IMMP2L: variants seen among roughly 807,000 people sequenced by gnomAD.
The protein encoded by IMMP2L is mitochondrial inner membrane protease subunit 2.
Under a neutral mutation model 19.3 loss-of-function variants are expected in IMMP2L, and 18 were observed. The observed-to-expected ratio is 0.93, with a 90% CI of 0.64 to 1.38. The LOEUF (loss-of-function observed/expected upper bound fraction) is 1.38. IMMP2L is among the 40% of genes most tolerant of loss of function. The pLI is 0.00. For missense variants in IMMP2L, 233 were observed against 218.2 expected (o/e 1.07, Z -0.43); for synonymous variants, 76 against 73.0 (o/e 1.04, Z -0.21).
chr7:111,252,251 T>A (rs1816225219), intron 3 of IMMP2L, among the ~76,000 whole-genome samples: 1 of 152,092 alleles, frequency 6.6e-6, no homozygotes, highest in Non-Finnish European at 1.5e-5. Flanking sequence ...GTAGGCATCA[T>A]CAACCAACAA....
chr7:111,445,730 C>T (rs556764359), intron 3 of IMMP2L, among the ~76,000 whole-genome samples: 8 of 152,158 alleles, frequency 5.3e-5, no homozygotes, highest in Admixed American at 3.9e-4. Flanking sequence ...GGAACAGCTC[C>T]GGTCTACAGC....
intron 3 of IMMP2L, among the ~76,000 whole-genome samples, chr7:111,046,045 ATAATC>A: frequency 6.6e-6 from 1 of 152,344 alleles, no homozygotes; most frequent in East Asian, 1.9e-4. Context: ...AAATCTTAAC[ATAATC>A]TAAAGAATTT....
rs149791400 is a variant in IMMP2L at position 111,176,408 on chromosome 7, T to C, written c.240-212843A>G. Reference sequence around the variant, plus strand: ...AGAAGAATGAATAAAGAAAATGTGGTACATATACACAATGGAGTACTATTC... The same window carrying C: ...AGAAGAATGAATAAAGAAAATGTGGCACATATACACAATGGAGTACTATTC... On this transcript the variant is annotated intron_variant, in intron 3 of 5. Transcript: ENST00000405709. 1.4e-3 allele frequency among the ~76,000 whole-genome samples: 218 copies of C among 152,104 alleles called. 1 individual carries two copies. Among genetic ancestry groups the C allele is most frequent in the African/African-American group, 5.2e-3 (215 of 41,514 alleles).
intron 3 of IMMP2L, among the ~76,000 whole-genome samples, chr7:111,022,922 C>T (rs144929804): frequency 6.6e-6 from 1 of 152,198 alleles, no homozygotes; most frequent in African/African-American, 2.4e-5. Flanking sequence ...ATGAGAAAGA[C>T]AGCAAATACA....
At chr7:111,545,978 T>C (rs543518815) in intron 1 of IMMP2L, among the ~76,000 whole-genome samples, 29 of 152,240 alleles carry the variant, frequency 1.9e-4, no homozygotes, top group African/African-American at 6.7e-4. Flanking sequence ...TCCTCCAAAA[T>C]AATCTATTCA....
At chr7:110,741,578 T>G (rs968521086) in intron 5 of IMMP2L, among the ~76,000 whole-genome samples, 1 of 152,212 alleles carries the variant, frequency 6.6e-6, no homozygotes, top group East Asian at 1.9e-4. Flanking sequence ...CTGAATCTGT[T>G]GGTGCCATGA....
At chr7:110,861,346 T>C (rs1331601894) in intron 5 of IMMP2L, among the ~76,000 whole-genome samples, 2 of 151,934 alleles carry the variant, frequency 1.3e-5, no homozygotes, top group African/African-American at 2.4e-5. Context: ...TGTTGCAATA[T>C]TGGCTCACTG....
chr7:111,295,013 A>T (rs767793422), intron 3 of IMMP2L, among the ~76,000 whole-genome samples: 10 of 151,850 alleles, frequency 6.6e-5, no homozygotes, highest in Non-Finnish European at 1.5e-4. Flanking sequence ...GACTTGAAAC[A>T]TCTGTTCGAT....
chr7:111,351,776 GCAGA>G (rs1305507563), intron 3 of IMMP2L, among the ~76,000 whole-genome samples: 9 of 152,152 alleles, frequency 5.9e-5, no homozygotes, highest in African/African-American at 2.2e-4. Flanking sequence ...ATAAGAAAGT[GCAGA>G]CATATTGTCC....
chr7:110,791,167 C>A lies in IMMP2L; in HGVS notation c.408+95426G>T, dbSNP rs10254701. 4.9e-3 allele frequency among the ~76,000 whole-genome samples: 744 copies of A among 151,810 alleles called. 28 individuals carry two copies. The highest frequency in any genetic ancestry group is 0.017 in the African/African-American group (698 of 41,174). ...AAGAATGAAGTACTTGCATGCCTTT[C>A]TCCCAACATGCACATAATAGAAAAA... On this transcript the variant is annotated intron_variant, in intron 5 of 5. Coordinates refer to ENST00000405709, the MANE Select transcript of IMMP2L (RefSeq NM_032549.4).
chr7:111,539,326 C>T (rs1848315686), intron 1 of IMMP2L, among the ~76,000 whole-genome samples: 1 of 152,012 alleles, frequency 6.6e-6, no homozygotes, highest in African/African-American at 2.4e-5. Context: ...AGGAAGTTGA[C>T]TTTTCTGTAT....
chr7:110,749,630 G>T (rs879516599), intron 5 of IMMP2L, among the ~76,000 whole-genome samples: 2 of 152,104 alleles, frequency 1.3e-5, no homozygotes, highest in Non-Finnish European at 2.9e-5. Flanking sequence ...AACATTCTCA[G>T]CAAACTAACA....
chr7:111,393,656 T>C (rs1031260994), intron 3 of IMMP2L, among the ~76,000 whole-genome samples: 1 of 152,198 alleles, frequency 6.6e-6, no homozygotes, highest in African/African-American at 2.4e-5. Context: ...ACGTATTTAT[T>C]TCTCAATGTT....
At chr7:110,964,060 G>A (rs1378402053) in intron 3 of IMMP2L, among the ~76,000 whole-genome samples, 1 of 151,878 alleles carries the variant, frequency 6.6e-6, no homozygotes, top group East Asian at 2.0e-4. Flanking sequence ...CTTCCCCTTC[G>A]CTTGCTTGCT....
chr7:111,107,282 A>G (rs547565336), intron 3 of IMMP2L, among the ~76,000 whole-genome samples: 1 of 152,024 alleles, frequency 6.6e-6, no homozygotes. Context: ...CTAATAATTT[A>G]AATTATATGG....
chr7:111,285,032 G>A (rs558947964), intron 3 of IMMP2L, among the ~76,000 whole-genome samples: 1 of 152,210 alleles, frequency 6.6e-6, no homozygotes, highest in African/African-American at 2.4e-5. Context: ...CTGTGCTGAG[G>A]GTAAGGAAGA....
chr7:111,177,215 T>A (rs1462498165), intron 3 of IMMP2L, among the ~76,000 whole-genome samples: 2 of 152,132 alleles, frequency 1.3e-5, no homozygotes, highest in Admixed American at 1.3e-4. Context: ...GGTCTTGCTC[T>A]GTCATCGAGG....
intron 1 of IMMP2L, among the ~76,000 whole-genome samples, chr7:111,556,035 T>TATATATATATATATATATACACAC (rs1554550178): frequency 3.2e-4 from 43 of 135,732 alleles, no homozygotes; most frequent in African/African-American, 9.9e-4. Flanking sequence ...TATATATATA[T>TATATATATATATATATATACACAC]ACATACCCAA....
chr7:111,535,679 G>C (rs551085826), intron 1 of IMMP2L, among the ~76,000 whole-genome samples: 1 of 152,100 alleles, frequency 6.6e-6, no homozygotes, highest in Non-Finnish European at 1.5e-5. Context: ...GGGAAGTTGG[G>C]GGGTGGGGAA....
Sources: gnomAD v4.1 joint callset for allele counts (sites outside exome capture counted in the v4.1 genomes callset) on GRCh38, gnomAD v4.1.1 for gene constraint, MANE v1.5 for transcripts, NCBI Gene and HGNC (gene_info 2026-07-23, HGNC 2026-07-21) for gene names.